The following PIBF1 variants were observed in gnomAD, a reference collection of about 807,000 sequenced individuals.
PIBF1 encodes the protein progesterone immunomodulatory binding factor 1.
PIBF1 carries 90 observed loss-of-function variants against 112.5 expected under a neutral mutation model. That is an observed-to-expected ratio of 0.80 (90% confidence interval 0.67 to 0.95). PIBF1 has a LOEUF of 0.95. PIBF1 is among the 40% of genes least tolerant of loss of function. The pLI is 0.00. For synonymous variants in PIBF1, 301 were observed against 288.6 expected, an observed-to-expected ratio of 1.04 and a Z score of -0.44; for missense variants, 915 against 852.3, an observed-to-expected ratio of 1.07 and a Z score of -0.92.
At chr13:72,878,168 AT>A (rs2039487059) in intron 10 of PIBF1, among the ~76,000 whole-genome samples, 1 of 148,754 alleles carries the variant, frequency 6.7e-6, no homozygotes, top group South Asian at 2.1e-4. Context: ...TTTTATCTTG[AT>A]TTTTGTGGTA....
intron 10 of PIBF1, among the ~76,000 whole-genome samples, chr13:72,863,604 G>A (rs1264321383): frequency 2.0e-5 from 3 of 148,396 alleles, no homozygotes; most frequent in African/African-American, 5.0e-5. Context: ...CTTGCAATGA[G>A]CAGAGATCTC....
intron 9 of PIBF1, among the ~76,000 whole-genome samples, chr13:72,848,852 TAACTC>T (rs1226241011): frequency 4.2e-4 from 64 of 152,176 alleles, no homozygotes; most frequent in African/African-American, 1.4e-3. Flanking sequence ...AAAAAGAACT[TAACTC>T]TTTAAGTTTC....
chr13:72,885,828 C>T (rs138919907), intron 10 of PIBF1, among the ~76,000 whole-genome samples: 11 of 152,108 alleles, frequency 7.2e-5, no homozygotes, highest in African/African-American at 2.7e-4. Context: ...AGGAGTCATC[C>T]GCATCCTTAG....
intron 9 of PIBF1, among the ~76,000 whole-genome samples, chr13:72,840,224 TA>T (rs2037545424): frequency 6.6e-6 from 1 of 152,258 alleles, no homozygotes; most frequent in Admixed American, 6.5e-5. Context: ...TGTATCATAC[TA>T]ATCTTCCACA....
chr13:72,980,129 G>C (rs2043120900), intron 16 of PIBF1, among the ~76,000 whole-genome samples: 1 of 152,128 alleles, frequency 6.6e-6, no homozygotes, highest in Non-Finnish European at 1.5e-5. Context: ...ACACTAGAGA[G>C]TTGGAAATGT....
intron 16 of PIBF1, among the ~76,000 whole-genome samples, chr13:72,981,174 G>A (rs1247235599): frequency 1.3e-5 from 2 of 151,674 alleles, no homozygotes; most frequent in Non-Finnish European, 2.9e-5. Context: ...GAACCCAGGA[G>A]GTGGAGGTTG....
Position 72,967,982 on chromosome 13 carries a change from G to A in PIBF1, c.1964+2578G>A, listed in dbSNP as rs1466894801. The stretch of plus-strand genomic sequence containing the variant: ...GGGCGGATCACGAGGTCAGGAGATC[G>A]AGACCATCCTGGCTAACACGGTGAA... On this transcript the variant is annotated intron_variant, in intron 15 of 17. Transcript: ENST00000326291. 3.9e-5 allele frequency among the ~76,000 whole-genome samples: 6 copies of A among 151,938 alleles called. No homozygotes were observed. The East Asian group carries it at 7.8e-4, about 20-fold the overall frequency.
chr13:72,795,365 T>C lies in PIBF1; in HGVS notation c.360T>C (p.Tyr120=), dbSNP rs776094704. The change falls in exon 4 of 18, where the codon TAT becomes TAC. Residue 120 remains tyrosine (Y), a synonymous_variant. Transcript: ENST00000326291. The part of the protein sequence containing the change: ...LAFQQKDASK[Y]QELMKQEMET... ...AAATTCTCTTCTAATGTAGCAAATA[T>C]CAAGAATTAATGAAACAAGAAATGG... The C allele has an allele frequency of 4.4e-6, 7 of 1,575,694 alleles. 1 individual carries two copies. In the South Asian group the frequency reaches 8.1e-5, roughly 18 times the overall value.
intron 17 of PIBF1, among the ~76,000 whole-genome samples, chr13:73,011,983 A>G (rs1480684910): frequency 1.3e-5 from 2 of 152,228 alleles, no homozygotes; most frequent in African/African-American, 4.8e-5. Flanking sequence ...CACTGTGAGC[A>G]GAAAGATGAA....
chr13:72,875,974 A>T (rs1198378071), intron 10 of PIBF1, among the ~76,000 whole-genome samples: 1 of 151,678 alleles, frequency 6.6e-6, no homozygotes, highest in Non-Finnish European at 1.5e-5. Context: ...TTCATGGATT[A>T]TGTGTTTGTT....
At chr13:72,970,974 C>T (rs764773295) in intron 15 of PIBF1, among the ~76,000 whole-genome samples, 39 of 152,060 alleles carry the variant, frequency 2.6e-4, no homozygotes, top group Non-Finnish European at 8.8e-5. Flanking sequence ...GTTCTGTAAG[C>T]CAGTTTATCC....
At chr13:73,012,073 C>T (rs988312256) in intron 17 of PIBF1, among the ~76,000 whole-genome samples, 1 of 152,008 alleles carries the variant, frequency 6.6e-6, no homozygotes, top group Non-Finnish European at 1.5e-5. Flanking sequence ...AAATGCTGGC[C>T]GGGTGCAGTG....
At chr13:72,924,433 G>T (rs1022283371) in intron 13 of PIBF1, among the ~76,000 whole-genome samples, 1 of 152,076 alleles carries the variant, frequency 6.6e-6, no homozygotes, top group Non-Finnish European at 1.5e-5. Context: ...CAGTCCAGAG[G>T]TACTTATCGC....
chr13:72,999,027 A>G, intron 17 of PIBF1, 32 bp downstream of exon 17: 1 of 1,345,788 alleles, frequency 7.4e-7, no homozygotes, highest in Non-Finnish European at 1.0e-6. Flanking sequence ...CATAATTTTA[A>G]TATTCCTGAT....
chr13:73,010,810 C>CTTTGTTTTTTTTTTTTTTTTT (rs2044174573), intron 17 of PIBF1, among the ~76,000 whole-genome samples: 1 of 40,280 alleles, frequency 2.5e-5, no homozygotes, highest in Non-Finnish European at 4.4e-5. Flanking sequence ...ATTAACTTTT[C>CTTTGTTTTTTTTTTTTTTTTT]TTTTTTTTTT....
intron 10 of PIBF1, among the ~76,000 whole-genome samples, chr13:72,880,902 G>A (rs1168827712): frequency 6.6e-6 from 1 of 152,026 alleles, no homozygotes; most frequent in African/African-American, 2.4e-5. Flanking sequence ...ACTTACTTGG[G>A]CAAGTTGTTA....
At chr13:72,873,931 A>G (rs538470499) in intron 10 of PIBF1, among the ~76,000 whole-genome samples, 4 of 152,210 alleles carry the variant, frequency 2.6e-5, no homozygotes, top group Non-Finnish European at 5.9e-5. Flanking sequence ...AAAATGGCCA[A>G]AGGATTTGAA....
chr13:72,812,416 C>T (rs146496747), intron 5 of PIBF1, among the ~76,000 whole-genome samples: 82 of 152,026 alleles, frequency 5.4e-4, no homozygotes, highest in African/African-American at 1.6e-3. Context: ...GCATTAGCAC[C>T]ACAGATCACA....
intron 9 of PIBF1, among the ~76,000 whole-genome samples, chr13:72,852,972 C>T (rs1158085130): frequency 6.6e-6 from 1 of 151,798 alleles, no homozygotes; most frequent in Non-Finnish European, 1.5e-5. Flanking sequence ...TAGGTTATAA[C>T]ATAAAGGGCT....
Sources: allele counts gnomAD v4.1 joint callset (sites outside exome capture counted in the v4.1 genomes callset), GRCh38; gene constraint gnomAD v4.1.1; transcripts MANE v1.5; gene names NCBI Gene and HGNC (gene_info 2026-07-23, HGNC 2026-07-21).